BRIP1: variants seen among roughly 807,000 people sequenced by gnomAD.
The protein encoded by BRIP1 is BRCA1 interacting DNA helicase 1.
Under a neutral mutation model 119.7 loss-of-function variants are expected in BRIP1, and 88 were observed. The observed-to-expected ratio is 0.74, with a 90% CI of 0.62 to 0.88. The LOEUF is 0.88. Ranked by LOEUF, BRIP1 falls within the 40% of genes least tolerant of loss-of-function variation. BRIP1 has a pLI of 0.00. For synonymous variants in BRIP1, 443 were observed against 496.5 expected (o/e 0.89, Z 1.43); for missense variants, 1,259 against 1,455.4 (o/e 0.87, Z 2.20).
intron 13 of BRIP1, among the ~76,000 whole-genome samples, chr17:61,777,053 TAC>T (rs964067471): frequency 6.6e-6 from 1 of 152,198 alleles, no homozygotes; most frequent in Admixed American, 6.5e-5. Flanking sequence ...CACCACATCT[TAC>T]AGTTATTTGC....
chr17:61,696,776 G>T (rs148121256), intron 17 of BRIP1, among the ~76,000 whole-genome samples: 1 of 151,482 alleles, frequency 6.6e-6, no homozygotes, highest in Non-Finnish European at 1.5e-5. Flanking sequence ...ACGAGATCAG[G>T]AGATCGATAC....
chr17:61,719,277 A>G (rs768771252), intron 16 of BRIP1, among the ~76,000 whole-genome samples: 1 of 151,850 alleles, frequency 6.6e-6, no homozygotes, highest in Non-Finnish European at 1.5e-5. Flanking sequence ...AATGTGGTAT[A>G]TATACACAAT....
rs2144946632 is a variant in BRIP1 at position 61,769,675 on chromosome 17, A to C, written c.2097+6726T>G. Among the ~76,000 whole-genome samples the C allele has an allele frequency of 6.6e-6, 1 of 152,336 alleles. No individual in the cohort carries two copies. The highest frequency in any genetic ancestry group is 6.5e-5 in the Admixed American group (1 of 15,296). ...TTTTACAACAGAAAAAAGTTAAACA[A>C]ACTAAAAATCAATTACTTTTCTGGG... is the stretch of plus-strand genomic sequence containing the variant. On this transcript the variant is annotated intron_variant, in intron 14 of 19. Coordinates refer to ENST00000259008, the MANE Select transcript of BRIP1 (RefSeq NM_032043.3). This position sits in a 1 kb window ranked among gnomAD's most constrained non-coding sequence, Gnocchi z 4.9.
rs2077566191 is a variant in BRIP1, at chr17:61,778,369, G to A, written c.1936-1807C>T. On this transcript the variant is annotated intron_variant, in intron 13 of 19. Coordinates refer to ENST00000259008, the MANE Select transcript of BRIP1 (RefSeq NM_032043.3). This position sits in a 1 kb window ranked among gnomAD's most constrained non-coding sequence, Gnocchi z 4.4. ...AGAGAGCTGTTGTTTAATGGGAACA[G>A]AGTTTCAGTTTTTCAAGAGGAGAAA... Among the ~76,000 whole-genome samples, 1 of 152,188 alleles carries A rather than the reference G, an allele frequency of 6.6e-6. No individual in the cohort carries two copies. Among genetic ancestry groups the A allele is most frequent in the South Asian group, 2.1e-4 (1 of 4,822 alleles).
At position 61,725,405 on chromosome 17, in the gene BRIP1, A is replaced by G. The variant is rs1454426400; in HGVS notation, c.2380-9342T>C. Reference sequence around the variant, plus strand: ...TAGAGAAATCTATATTAAACTTAGTATCGCTAATTGTCAGTGTTGACTAAA... The same window carrying G: ...TAGAGAAATCTATATTAAACTTAGTGTCGCTAATTGTCAGTGTTGACTAAA... On this transcript the variant is annotated intron_variant, in intron 16 of 19. Transcript: ENST00000259008. The surrounding 1 kb of genome is among the most constrained non-coding windows in gnomAD (Gnocchi z 5.3). Among the ~76,000 whole-genome samples the G allele has an allele frequency of 3.3e-5, 5 of 152,222 alleles. No homozygotes were observed. Among genetic ancestry groups the G allele is most frequent in the Non-Finnish European group, 5.9e-5 (4 of 68,042 alleles).
intron 14 of BRIP1, among the ~76,000 whole-genome samples, chr17:61,747,064 C>A (rs2077067357): frequency 6.6e-6 from 1 of 151,902 alleles, no homozygotes; most frequent in African/African-American, 2.4e-5. Context: ...TGAAAATTAA[C>A]ACACTTTTGA....
At position 61,693,162 on chromosome 17, in the gene BRIP1, T is replaced by C. The variant is rs2061471778; in HGVS notation, c.2575+268A>G. 6.6e-6 allele frequency among the ~76,000 whole-genome samples: 1 copy of C among 152,056 alleles called. No homozygotes were observed. The highest frequency in any genetic ancestry group is 2.4e-5 in the African/African-American group (1 of 41,382). On this transcript the variant is annotated intron_variant, in intron 18 of 19. Coordinates refer to ENST00000259008, the MANE Select transcript of BRIP1 (RefSeq NM_032043.3). The surrounding 1 kb of genome is among the most constrained non-coding windows in gnomAD (Gnocchi z 4.2). ...AATTTATATGAGGTATCCAAAACAG[T>C]CAAACTAATAGAAGCAGAAAGTATA...
rs568419860 is a variant in BRIP1, at chr17:61,857,604, A to T, written c.206-373T>A. Reference sequence around the variant, plus strand: ...CCAGGCGTGGTAGTGCACGCCTGTAATACCACCTACTCAGGAGGCTGAGGC... The same window carrying T: ...CCAGGCGTGGTAGTGCACGCCTGTATTACCACCTACTCAGGAGGCTGAGGC... On this transcript the variant is annotated intron_variant, in intron 3 of 19. Coordinates refer to ENST00000259008, the MANE Select transcript of BRIP1 (RefSeq NM_032043.3). The surrounding 1 kb of genome is among the most constrained non-coding windows in gnomAD (Gnocchi z 5.1). Among the ~76,000 whole-genome samples, 1 of 152,290 alleles carries T rather than the reference A, an allele frequency of 6.6e-6. No individual in the cohort carries two copies. The highest frequency in any genetic ancestry group is 2.1e-4 in the South Asian group (1 of 4,816).
chr17:61,812,834 G>T (rs1312660440), intron 6 of BRIP1, among the ~76,000 whole-genome samples: 1 of 152,068 alleles, frequency 6.6e-6, no homozygotes, highest in African/African-American at 2.4e-5. Flanking sequence ...AGAGTTCGAA[G>T]ATTTGATCTT....
At chr17:61,812,567 A>C (rs1055130643) in intron 6 of BRIP1, among the ~76,000 whole-genome samples, 1 of 152,082 alleles carries the variant, frequency 6.6e-6, no homozygotes, top group African/African-American at 2.4e-5. Context: ...AAGGCAAGAA[A>C]ACCCAACCCA....
In BRIP1 at chr17:61,776,569, T is replaced by A. The variant is rs1427111542; in HGVS notation, c.1936-7A>T. 1 of 1,613,406 alleles carries A rather than the reference T, an allele frequency of 6.2e-7. No homozygotes were observed. Among genetic ancestry groups the A allele is most frequent in the African/African-American group, 1.3e-5 (1 of 74,908 alleles). The stretch of plus-strand genomic sequence containing the variant: ...CAATGGTACCAACCCAAACCTAGAA[T>A]ATGAATATGTCATTATTAGAGTTAT... On this transcript the variant is annotated splice_polypyrimidine_tract_variant and splice_region_variant and intron_variant, in intron 13 of 19. Transcript: ENST00000259008. This position sits in a 1 kb window ranked among gnomAD's most constrained non-coding sequence, Gnocchi z 5.0.
rs1450571516 is a variant in BRIP1, at chr17:61,691,514, G to GGC, written c.2575+1914_2575+1915dup. On this transcript the variant is annotated intron_variant, in intron 18 of 19. Transcript: ENST00000259008. This position sits in a 1 kb window ranked among gnomAD's most constrained non-coding sequence, Gnocchi z 5.0. ...TCTGTTGCCCAGGCTAGAGTGCAGTGGCGCGGTCTTGGCTCACTGCAACCT... is the reference window on the plus strand; with the variant it reads ...TCTGTTGCCCAGGCTAGAGTGCAGTGGCGCGCGGTCTTGGCTCACTGCAACCT... 1.3e-5 allele frequency among the ~76,000 whole-genome samples: 2 copies of GGC among 152,236 alleles called. No homozygotes were observed. The highest frequency in any genetic ancestry group is 2.9e-5 in the Non-Finnish European group (2 of 68,020).
In BRIP1 at chr17:61,740,499, A is replaced by G. The variant is rs1366543315; in HGVS notation, c.2379+2514T>C. Among the ~76,000 whole-genome samples, 2 of 152,172 alleles carry G rather than the reference A, an allele frequency of 1.3e-5. No individual in the cohort carries two copies. Among genetic ancestry groups the G allele is most frequent in the African/African-American group, 4.8e-5 (2 of 41,438 alleles). ...TGAAAATAAAATAAAATCTGTATCT[A>G]CTAAATTTTTCTCACTCATTCAGAT... On this transcript the variant is annotated intron_variant, in intron 16 of 19. Coordinates refer to ENST00000259008, the MANE Select transcript of BRIP1 (RefSeq NM_032043.3). The surrounding 1 kb of genome is among the most constrained non-coding windows in gnomAD (Gnocchi z 5.4).
Position 61,843,896 on chromosome 17 carries a change from AATAT to A in BRIP1, c.627+3201_627+3204del, listed in dbSNP as rs1395196169. On this transcript the variant is annotated intron_variant, in intron 6 of 19. Transcript: ENST00000259008. The surrounding 1 kb of genome is among the most constrained non-coding windows in gnomAD (Gnocchi z 5.7). ...TTAAAACATCATGTTTTACACCTAA[AATAT>A]ATATAATTTTTATTTTATGTATTTA... is the stretch of plus-strand genomic sequence containing the variant. Among the ~76,000 whole-genome samples, 1 of 151,728 alleles carries A rather than the reference AATAT, an allele frequency of 6.6e-6. No homozygotes were observed. The highest frequency in any genetic ancestry group is 6.6e-5 in the Admixed American group (1 of 15,228).
Position 61,816,072 on chromosome 17 carries a change from A to T in BRIP1, c.628-7315T>A, listed in dbSNP as rs2078232092. Among the ~76,000 whole-genome samples the T allele has an allele frequency of 6.6e-6, 1 of 152,228 alleles. No homozygotes were observed. The highest frequency in any genetic ancestry group is 2.4e-5 in the African/African-American group (1 of 41,472). On this transcript the variant is annotated intron_variant, in intron 6 of 19. Coordinates refer to ENST00000259008, the MANE Select transcript of BRIP1 (RefSeq NM_032043.3). The surrounding 1 kb of genome is among the most constrained non-coding windows in gnomAD (Gnocchi z 5.0). ...GTTTCATGATTAGACTGCACAAAGC[A>T]GCTGTTTATCCACTCACAGCAACCA...
At chr17:61,763,379 T>C (rs2077306035) in intron 14 of BRIP1, among the ~76,000 whole-genome samples, 1 of 152,110 alleles carries the variant, frequency 6.6e-6, no homozygotes, top group Non-Finnish European at 1.5e-5. Flanking sequence ...AATTTTGCTG[T>C]GAACCTAAAA....
In BRIP1 at chr17:61,744,972, A is replaced by G. The variant is rs1488603424; in HGVS notation, c.2098-381T>C. Among the ~76,000 whole-genome samples, 1 of 152,086 alleles carries G rather than the reference A, an allele frequency of 6.6e-6. No individual in the cohort carries two copies. Among genetic ancestry groups the G allele is most frequent in the East Asian group, 1.9e-4 (1 of 5,194 alleles). On this transcript the variant is annotated intron_variant, in intron 14 of 19. Coordinates refer to ENST00000259008, the MANE Select transcript of BRIP1 (RefSeq NM_032043.3). This position sits in a 1 kb window ranked among gnomAD's most constrained non-coding sequence, Gnocchi z 5.0. ...TGGCAATTTCAAAAGCAAAAGCAAA[A>G]AACAAAAAACCTCTGTCAAAGTTAA... is the stretch of plus-strand genomic sequence containing the variant.
rs1567838078 is a variant in BRIP1, at chr17:61,808,612, T to C, written c.773A>G (p.Gln258Arg). 6.2e-7 allele frequency: 1 copy of C among 1,613,906 alleles called. No individual in the cohort carries two copies. The highest frequency in any genetic ancestry group is 8.5e-7 in the Non-Finnish European group (1 of 1,179,946). ...FGTRTHKQIA[Q>R]ITRELRRTAY... is the part of the protein sequence containing the mutation. ...CGTCCTCCGGAGCTCTCTAGTAATC[T>C]GAGCAATCTGCTTGTGTGTGCGTGT... The change falls in exon 7 of 20, where the codon CAG (glutamine) becomes CGG (arginine). Residue 258 changes from glutamine (Q) to arginine (R), a missense_variant. Coordinates refer to ENST00000259008, the MANE Select transcript of BRIP1 (RefSeq NM_032043.3). This position sits in a 1 kb window ranked among gnomAD's most constrained non-coding sequence, Gnocchi z 4.1.
In BRIP1 at chr17:61,720,075, A is replaced by G. The variant is rs952427997; in HGVS notation, c.2380-4012T>C. On this transcript the variant is annotated intron_variant, in intron 16 of 19. Coordinates refer to ENST00000259008, the MANE Select transcript of BRIP1 (RefSeq NM_032043.3). The surrounding 1 kb of genome is among the most constrained non-coding windows in gnomAD (Gnocchi z 4.3). ...GGTCTCCAACTCATAAGCTCAAGAAAACCTCCCACCTTGACCTCCCAAAGT... is the reference window on the plus strand; with the variant it reads ...GGTCTCCAACTCATAAGCTCAAGAAGACCTCCCACCTTGACCTCCCAAAGT... 6.6e-6 allele frequency among the ~76,000 whole-genome samples: 1 copy of G among 152,086 alleles called. No homozygotes were observed. The highest frequency in any genetic ancestry group is 1.5e-5 in the Non-Finnish European group (1 of 68,018).
Sources: allele counts gnomAD v4.1 joint callset (sites outside exome capture counted in the v4.1 genomes callset), GRCh38; gene constraint gnomAD v4.1.1; non-coding constraint Gnocchi (gnomAD v3.1); transcripts MANE v1.5; gene names NCBI Gene and HGNC (gene_info 2026-07-23, HGNC 2026-07-21).